Variants in PTPRG observed in about 807,000 individuals in gnomAD.
The protein encoded by PTPRG is receptor-type tyrosine-protein phosphatase gamma.
In PTPRG, 102 loss-of-function variants were observed where a neutral mutation model predicts 165.3. The ratio of observed to expected loss-of-function variants is 0.62; its 90% CI spans 0.53 to 0.73. PTPRG has a LOEUF of 0.73. Ranked by LOEUF, PTPRG falls within the 30% of genes least tolerant of loss-of-function variation. PTPRG has a pLI of 0.00. For synonymous variants in PTPRG, 675 were observed against 669.5 expected (o/e 1.01, Z -0.13); for missense variants, 1,866 against 1,861.4 (o/e 1.00, Z -0.05).
intron 4 of PTPRG, among the ~76,000 whole-genome samples, chr3:62,073,321 C>T (rs1394355623): frequency 1.3e-5 from 2 of 152,132 alleles, no homozygotes; most frequent in Non-Finnish European, 1.5e-5. Flanking sequence ...GCCAAAGTAT[C>T]TCTCTACAAA....
chr3:62,175,444 C>T (rs933253301), intron 8 of PTPRG, among the ~76,000 whole-genome samples: 3 of 152,088 alleles, frequency 2.0e-5, no homozygotes, highest in Admixed American at 6.6e-5. Context: ...AGTAAGCCTA[C>T]GTCTCTTAAA....
Position 62,267,443 on chromosome 3 carries a change from C to A in PTPRG, c.2690C>A (p.Pro897Gln), listed in dbSNP as rs1701916781. The A allele has an allele frequency of 6.2e-7, 1 of 1,611,572 alleles. No homozygotes were observed. Among genetic ancestry groups the A allele is most frequent in the African/African-American group, 1.3e-5 (1 of 74,764 alleles). Reference protein sequence around the residue: ...DHSRVKLRPLPGKDSKHSDYI... With the variant: ...DHSRVKLRPLQGKDSKHSDYI... ...AGTAGGGTGAAGTTAAGACCTTTAC[C>A]AGGAAAAGACTCTAAGCACAGCGAC... is the stretch of plus-strand genomic sequence containing the variant. The change falls in exon 18 of 30, where the codon CCA (proline) becomes CAA (glutamine). Residue 897 changes from proline (P) to glutamine (Q), a missense_variant. By Grantham distance (76) the Pro-to-Gln change is moderately conservative. Around this residue, in one of 3 missense-constraint regions of PTPRG, gnomAD observed 1,452 missense variants for 1,463.0 expected, o/e 0.99. Coordinates refer to ENST00000474889, the MANE Select transcript of PTPRG (RefSeq NM_002841.4).
intron 1 of PTPRG, among the ~76,000 whole-genome samples, chr3:61,650,919 T>A (rs1427753296): frequency 6.6e-6 from 1 of 152,208 alleles, no homozygotes; most frequent in East Asian, 1.9e-4. Flanking sequence ...GTTTTAGGAA[T>A]CCTATTTACA....
chr3:62,013,352 G>A (rs2041469434), intron 4 of PTPRG, among the ~76,000 whole-genome samples: 2 of 152,226 alleles, frequency 1.3e-5, no homozygotes, highest in South Asian at 4.1e-4. Flanking sequence ...CTACATGAGA[G>A]ACTAACAAAT....
chr3:61,848,033 C>T lies in PTPRG; in HGVS notation c.190+99051C>T, dbSNP rs139465514. Reference sequence around the variant, plus strand: ...CTGCCATGAGCTGTAAATACTTATGCAGATGAAGGGTTTGTTACTCTAGTT... The same window carrying T: ...CTGCCATGAGCTGTAAATACTTATGTAGATGAAGGGTTTGTTACTCTAGTT... On this transcript the variant is annotated intron_variant, in intron 2 of 29. Transcript: ENST00000474889. Among the ~76,000 whole-genome samples, 592 of 152,310 alleles carry T rather than the reference C, an allele frequency of 3.9e-3. 4 individuals are homozygous for T. Among genetic ancestry groups the T allele is most frequent in the Non-Finnish European group, 6.7e-3 (459 of 68,018 alleles).
At chr3:61,931,386 A>C (rs1462726003) in intron 2 of PTPRG, among the ~76,000 whole-genome samples, 1 of 152,188 alleles carries the variant, frequency 6.6e-6, no homozygotes, top group Non-Finnish European at 1.5e-5. Flanking sequence ...AAATAGAATA[A>C]TGTTGGCACA....
At chr3:62,091,340 G>A (rs898801915) in intron 5 of PTPRG, among the ~76,000 whole-genome samples, 2 of 152,194 alleles carry the variant, frequency 1.3e-5, no homozygotes, top group African/African-American at 4.8e-5. Flanking sequence ...TCCTCAAGGA[G>A]CATCTGCATG....
At position 61,818,967 on chromosome 3, in the gene PTPRG, A is replaced by C. The variant is rs541662273; in HGVS notation, c.190+69985A>C. Reference sequence around the variant, plus strand: ...TATGTTCCTTACTAAATCTTCTCAAATCATCCCAGATAAATAATATAGAGA... The same window carrying C: ...TATGTTCCTTACTAAATCTTCTCAACTCATCCCAGATAAATAATATAGAGA... On this transcript the variant is annotated intron_variant, in intron 2 of 29. Coordinates refer to ENST00000474889, the MANE Select transcript of PTPRG (RefSeq NM_002841.4). Among the ~76,000 whole-genome samples the C allele has an allele frequency of 3.3e-5, 5 of 152,278 alleles. No homozygotes were observed. The East Asian group carries it at 9.7e-4, about 29-fold the overall frequency.
intron 2 of PTPRG, among the ~76,000 whole-genome samples, chr3:61,938,227 T>C (rs1474887088): frequency 1.4e-5 from 2 of 144,188 alleles, no homozygotes; most frequent in South Asian, 2.4e-4. Flanking sequence ...CACCCCTTTT[T>C]CTTTTTCCTT....
chr3:62,111,336 C>T (rs767728000), intron 5 of PTPRG, among the ~76,000 whole-genome samples: 5 of 152,192 alleles, frequency 3.3e-5, no homozygotes, highest in African/African-American at 4.8e-5. Flanking sequence ...TGCTCCACCT[C>T]GATCAAGTCC....
intron 2 of PTPRG, among the ~76,000 whole-genome samples, chr3:61,964,997 C>G (rs1450048288): frequency 2.0e-5 from 3 of 152,102 alleles, no homozygotes; most frequent in African/African-American, 7.2e-5. Flanking sequence ...AATTCCAGCA[C>G]TTTGGGAGGC....
At chr3:61,982,516 T>C (rs892347217) in intron 2 of PTPRG, among the ~76,000 whole-genome samples, 1 of 152,182 alleles carries the variant, frequency 6.6e-6, no homozygotes, top group Non-Finnish European at 1.5e-5. Context: ...AATCTTGCAG[T>C]GTGTGGATGG....
At chr3:61,759,200 T>A (rs537801697) in intron 2 of PTPRG, among the ~76,000 whole-genome samples, 37 of 152,310 alleles carry the variant, frequency 2.4e-4, no homozygotes, top group African/African-American at 8.9e-4. Context: ...TGTCCTATGT[T>A]TCGTTTACTT....
intron 5 of PTPRG, among the ~76,000 whole-genome samples, chr3:62,113,942 T>C (rs1017716236): frequency 2.0e-5 from 3 of 152,226 alleles, no homozygotes; most frequent in African/African-American, 7.2e-5. Flanking sequence ...AAAATACTGA[T>C]ATGTTGTATT....
intron 2 of PTPRG, among the ~76,000 whole-genome samples, chr3:61,826,338 C>T (rs2036109243): frequency 6.6e-6 from 1 of 152,120 alleles, no homozygotes; most frequent in Admixed American, 6.5e-5. Context: ...GGGGACCAAC[C>T]TGCAGTGATG....
chr3:62,003,461 T>G lies in PTPRG; in HGVS notation c.483T>G (p.Ser161=). The G allele has an allele frequency of 6.2e-7, 1 of 1,614,072 alleles. No homozygotes were observed. Among genetic ancestry groups the G allele is most frequent in the Non-Finnish European group, 8.5e-7 (1 of 1,179,940 alleles). ...HWGHSNGSAG[S]EHSINGRRFP... is the part of the protein sequence containing the mutation. ...GCCACAGCAATGGCTCAGCGGGCTC[T>G]GAACACAGCATCAATGGCAGGAGGT... Residue 161 remains serine, a synonymous_variant, in exon 4 of 30, where the codon TCT becomes TCG. Transcript: ENST00000474889.
intron 1 of PTPRG, among the ~76,000 whole-genome samples, chr3:61,613,014 C>T (rs1273113258): frequency 6.6e-6 from 1 of 152,156 alleles, no homozygotes; most frequent in East Asian, 1.9e-4. Flanking sequence ...ACGAGAAATG[C>T]TTTCCATAAA....
intron 2 of PTPRG, among the ~76,000 whole-genome samples, chr3:61,985,351 G>A (rs73085489): frequency 0.085 from 12,976 of 152,198 alleles, 652 homozygotes; most frequent in Middle Eastern, 0.13. Flanking sequence ...TGCCTTAGCC[G>A]TTGGGTGGGC....
chr3:61,780,316 T>TG (rs976206224), intron 2 of PTPRG, among the ~76,000 whole-genome samples: 3 of 152,042 alleles, frequency 2.0e-5, no homozygotes, highest in Admixed American at 2.0e-4. Context: ...GAAACTTGAG[T>TG]GGGGGGCAGG....
Sources: allele counts gnomAD v4.1 joint callset (sites outside exome capture counted in the v4.1 genomes callset), GRCh38; gene constraint gnomAD v4.1.1; regional missense constraint gnomAD v4.1.1; transcripts MANE v1.5; gene names NCBI Gene and HGNC (gene_info 2026-07-23, HGNC 2026-07-21).